Variants in PPM1E observed in about 807,000 individuals in gnomAD.
The protein encoded by PPM1E is protein phosphatase, Mg2+/Mn2+ dependent 1E.
In PPM1E, 20 loss-of-function variants were observed where a neutral mutation model predicts 65.9. That is an observed-to-expected ratio of 0.30 (90% CI 0.21 to 0.44). The LOEUF (loss-of-function observed/expected upper bound fraction) is 0.44. Among genes scored for constraint, PPM1E ranks in the 20% least tolerant of loss-of-function variants. PPM1E has a pLI of 1.00. For synonymous variants in PPM1E, 352 were observed against 374.9 expected, an observed-to-expected ratio of 0.94 and a Z score of 0.70; for missense variants, 713 against 953.1, an observed-to-expected ratio of 0.75 and a Z score of 3.32.
chr17:58,783,485 A>G (rs2050068609), intron 1 of PPM1E, among the ~76,000 whole-genome samples: 1 of 152,210 alleles, frequency 6.6e-6, no homozygotes, highest in Admixed American at 6.5e-5. Flanking sequence ...TTAGGCCTGG[A>G]CTTGGCATGT....
rs2143885478 is a variant in PPM1E at position 58,984,078 on chromosome 17, C to T, written c.*3047C>T. 1 of 152,756 alleles carries T rather than the reference C, an allele frequency of 6.5e-6. No individual in the cohort carries two copies. Among genetic ancestry groups the T allele is most frequent in the South Asian group, 2.1e-4 (1 of 4,830 alleles). The allele number at this position is 152,756 out of a possible 1,614,324, so 9.5% of individuals were successfully genotyped here. On this transcript the variant is annotated 3_prime_UTR_variant, in exon 7 of 7. Coordinates refer to ENST00000308249, the MANE Select transcript of PPM1E (RefSeq NM_014906.5). ...GTACTAAAGAGGATGGGTAGAAACA[C>T]ATATGTATATACCTTTTCTTTACCT... is the stretch of plus-strand genomic sequence containing the variant.
intron 1 of PPM1E, among the ~76,000 whole-genome samples, chr17:58,756,877 C>T (rs2049773164): frequency 6.6e-6 from 1 of 152,230 alleles, no homozygotes; most frequent in South Asian, 2.1e-4. Flanking sequence ...CGGGAGGTTT[C>T]CTCCCACCCC....
At chr17:58,869,108 T>G (rs1196627420) in intron 1 of PPM1E, among the ~76,000 whole-genome samples, 1 of 152,198 alleles carries the variant, frequency 6.6e-6, no homozygotes, top group Non-Finnish European at 1.5e-5. Context: ...AGGCAGAGAT[T>G]GTGGTGAGCC....
chr17:58,892,692 C>T (rs965968032), intron 1 of PPM1E, among the ~76,000 whole-genome samples: 2 of 152,118 alleles, frequency 1.3e-5, no homozygotes, highest in South Asian at 2.1e-4. Flanking sequence ...TTGCAAAAGA[C>T]ATATCTGATA....
At chr17:58,837,332 T>TACACATACAC (rs1555613260) in intron 1 of PPM1E, among the ~76,000 whole-genome samples, 45 of 131,424 alleles carry the variant, frequency 3.4e-4, no homozygotes, top group Middle Eastern at 4.2e-3. Context: ...CACACACACA[T>TACACATACAC]ACACACACAC....
intron 1 of PPM1E, among the ~76,000 whole-genome samples, chr17:58,923,846 C>T (rs968486611): frequency 6.7e-6 from 1 of 148,152 alleles, no homozygotes; most frequent in Non-Finnish European, 1.5e-5. Flanking sequence ...CCCAGGAATT[C>T]GAGGTTGCAG....
chr17:58,798,105 A>G (rs908203490), intron 1 of PPM1E, among the ~76,000 whole-genome samples: 2 of 152,112 alleles, frequency 1.3e-5, no homozygotes, highest in Non-Finnish European at 2.9e-5. Context: ...TATTTTGCCC[A>G]TTTTAAAATT....
intron 1 of PPM1E, among the ~76,000 whole-genome samples, chr17:58,930,408 G>A (rs2051879455): frequency 6.6e-6 from 1 of 152,004 alleles, no homozygotes; most frequent in African/African-American, 2.4e-5. Context: ...AGTCTGTAGT[G>A]ATCTGTAATT....
intron 1 of PPM1E, among the ~76,000 whole-genome samples, chr17:58,940,168 A>G (rs2052045169): frequency 1.3e-5 from 2 of 152,230 alleles, no homozygotes; most frequent in African/African-American, 2.4e-5. Context: ...GATGAAAGAA[A>G]GCAGCTTGCT....
chr17:58,875,046 A>G (rs919209690), intron 1 of PPM1E, among the ~76,000 whole-genome samples: 1 of 152,136 alleles, frequency 6.6e-6, no homozygotes, highest in African/African-American at 2.4e-5. Context: ...CATTATTTCT[A>G]AAAACAATGT....
intron 1 of PPM1E, among the ~76,000 whole-genome samples, chr17:58,921,368 A>G (rs181602685): frequency 6.6e-6 from 1 of 152,262 alleles, no homozygotes; most frequent in East Asian, 1.9e-4. Context: ...AGACAGTTAC[A>G]GGTTGGTGAG....
intron 1 of PPM1E, among the ~76,000 whole-genome samples, chr17:58,905,122 A>ATTTTCTACATAGTTATGTTAG (rs1254794794): frequency 1.1e-4 from 16 of 152,228 alleles, no homozygotes; most frequent in African/African-American, 3.1e-4. Flanking sequence ...ACTCTTTCAG[A>ATTTTCTACATAGTTATGTTAG]TTTTCTACAT....
At chr17:58,869,220 C>A (rs1260190224) in intron 1 of PPM1E, among the ~76,000 whole-genome samples, 2 of 152,154 alleles carry the variant, frequency 1.3e-5, no homozygotes, top group African/African-American at 4.8e-5. Context: ...GTTAGTATAA[C>A]TTTATTCTGA....
chr17:58,905,104 G>T (rs1167462854), intron 1 of PPM1E, among the ~76,000 whole-genome samples: 1 of 151,846 alleles, frequency 6.6e-6, no homozygotes, highest in Non-Finnish European at 1.5e-5. Context: ...GGTTCTAGGG[G>T]TTTTTTGACT....
chr17:58,763,026 G>C lies in PPM1E; in HGVS notation c.464+6565G>C, dbSNP rs536241554. 3.9e-4 allele frequency among the ~76,000 whole-genome samples: 60 copies of C among 152,010 alleles called. 2 individuals carry two copies. The highest frequency in any genetic ancestry group is 2.3e-3 in the Admixed American group (35 of 15,226). On this transcript the variant is annotated intron_variant, in intron 1 of 6. Coordinates refer to ENST00000308249, the MANE Select transcript of PPM1E (RefSeq NM_014906.5). ...GCTACTGTATATCATTCTATAGTAT[G>C]ATTATACTATGATTTATCCAATCTC... is the stretch of plus-strand genomic sequence containing the variant.
At chr17:58,824,835 C>T (rs1012220837) in intron 1 of PPM1E, among the ~76,000 whole-genome samples, 1 of 151,306 alleles carries the variant, frequency 6.6e-6, no homozygotes, top group African/African-American at 2.4e-5. Flanking sequence ...GTCTCAATCT[C>T]CTGACCTCGT....
In PPM1E at chr17:58,899,399, C is replaced by G. The variant is rs1380164103; in HGVS notation, c.465-56250C>G. On this transcript the variant is annotated intron_variant, in intron 1 of 6. Coordinates refer to ENST00000308249, the MANE Select transcript of PPM1E (RefSeq NM_014906.5). The stretch of plus-strand genomic sequence containing the variant: ...TGAAGACCTCCCTCAAGCATGATGA[C>G]CTATTACATGGAATTTGCAAAGCTG... 3 of 174,894 alleles carry G rather than the reference C, an allele frequency of 1.7e-5. No individual in the cohort carries two copies. The East Asian group carries it at 3.8e-4, about 22-fold the overall frequency. The allele number at this position is 174,894 out of a possible 1,614,324, so 10.8% of individuals were successfully genotyped here.
At chr17:58,953,892 C>T (rs755116476) in intron 1 of PPM1E, among the ~76,000 whole-genome samples, 30 of 152,176 alleles carry the variant, frequency 2.0e-4, no homozygotes, top group Non-Finnish European at 3.7e-4. Flanking sequence ...GGATTACAGG[C>T]GTGTACCACC....
intron 4 of PPM1E, among the ~76,000 whole-genome samples, 196 bp from the exon 5 acceptor site, chr17:58,971,936 C>T (rs2030656987): frequency 6.6e-6 from 1 of 152,166 alleles, no homozygotes; most frequent in Admixed American, 6.5e-5. Context: ...ATCAGGTGGA[C>T]TTATGTGTGT....
Sources: gnomAD v4.1 joint callset for allele counts (sites outside exome capture counted in the v4.1 genomes callset) on GRCh38, gnomAD v4.1.1 for gene constraint, MANE v1.5 for transcripts, NCBI Gene and HGNC (gene_info 2026-07-23, HGNC 2026-07-21) for gene names.